The following TFPI variants were observed in gnomAD, a reference collection of about 807,000 sequenced individuals.
The protein encoded by TFPI is tissue factor pathway inhibitor.
Under a neutral mutation model 34.6 loss-of-function variants are expected in TFPI, and 15 were observed. The ratio of observed to expected loss-of-function variants is 0.43; its 90% CI spans 0.29 to 0.67. The LOEUF is 0.67. Ranked by LOEUF, TFPI falls within the 30% of genes least tolerant of loss-of-function variation. The pLI is 0.15. For missense variants in TFPI, 301 were observed against 364.0 expected (o/e 0.83, Z 1.41); for synonymous variants, 105 against 120.1 (o/e 0.87, Z 0.82).
intron 1 of TFPI, among the ~76,000 whole-genome samples, chr2:187,545,284 T>C (rs893245524): frequency 6.6e-6 from 1 of 152,112 alleles, no homozygotes; most frequent in Non-Finnish European, 1.5e-5. Context: ...GGAGAGGAAA[T>C]AGCAATACCA....
intron 1 of TFPI, chr2:187,514,063 T>C (rs1686831066): frequency 6.6e-6 from 1 of 152,214 alleles, no homozygotes; most frequent in Admixed American, 6.5e-5. Context: ...TTTTATGCCA[T>C]AGTTGGTCCA....
intron 5 of TFPI, chr2:187,484,572 T>C (rs1395288969): frequency 2.0e-6 from 1 of 495,336 alleles, no homozygotes; most frequent in Non-Finnish European, 3.5e-6. Context: ...TGTACTGCAG[T>C]ATTCTCAGGA....
At chr2:187,512,153 C>T (rs540124177) in intron 1 of TFPI, among the ~76,000 whole-genome samples, 9 of 152,020 alleles carry the variant, frequency 5.9e-5, no homozygotes, top group South Asian at 2.1e-4. Context: ...CAGTAACCTG[C>T]GGATGGCCCA....
chr2:187,540,109 C>T (rs1688495966), intron 1 of TFPI, among the ~76,000 whole-genome samples: 1 of 151,932 alleles, frequency 6.6e-6, no homozygotes, highest in African/African-American at 2.4e-5. Flanking sequence ...CACCATGTGG[C>T]CCAGGCTGGT....
chr2:187,551,476 C>G (rs910227037), intron 1 of TFPI, among the ~76,000 whole-genome samples: 19 of 152,056 alleles, frequency 1.2e-4, no homozygotes, highest in African/African-American at 4.6e-4. Flanking sequence ...CAACTGGTAG[C>G]TACTGGTAGT....
chr2:187,509,425 T>A (rs1331670285), intron 1 of TFPI, among the ~76,000 whole-genome samples: 1 of 152,194 alleles, frequency 6.6e-6, no homozygotes, highest in African/African-American at 2.4e-5. Flanking sequence ...ATCTGTCTGA[T>A]CCTGGGCTTT....
At chr2:187,468,046 T>G in intron 6 of TFPI, 114 bp from the exon 7 acceptor site, 1 of 809,686 alleles carries the variant, frequency 1.2e-6, no homozygotes. Context: ...AACAGTAATC[T>G]GAATAAAGGG....
In TFPI at chr2:187,484,160, G is replaced by A; in HGVS notation, c.592C>T (p.Leu198=). Residue 198 remains leucine, a synonymous_variant, in exon 6 of 8, where the codon CTG becomes TTG. Transcript: ENST00000233156. ...GTQLNAVNNS[L]TPQSTKVPSL... ...GGAACCTTGGTTGATTGCGGAGTCA[G>A]GGAGTTATTCACAGCATTGAGCTGG... is the stretch of plus-strand genomic sequence containing the variant. The A allele has an allele frequency of 6.2e-7, 1 of 1,612,422 alleles. No homozygotes were observed. The highest frequency in any genetic ancestry group is 8.5e-7 in the Non-Finnish European group (1 of 1,178,866).
chr2:187,522,816 G>A (rs780430314), intron 1 of TFPI, among the ~76,000 whole-genome samples: 21 of 150,862 alleles, frequency 1.4e-4, no homozygotes, highest in Admixed American at 4.0e-4. Flanking sequence ...GCGTGAACCC[G>A]GGAGGTAGAG....
intron 3 of TFPI, among the ~76,000 whole-genome samples, chr2:187,496,206 T>C (rs1016382887): frequency 1.3e-5 from 2 of 152,152 alleles, no homozygotes; most frequent in Non-Finnish European, 2.9e-5. Flanking sequence ...TTTTATTTCC[T>C]GTAGTATTTT....
intron 2 of TFPI, among the ~76,000 whole-genome samples, chr2:187,500,613 A>T (rs1685785252): frequency 6.6e-6 from 1 of 152,172 alleles, no homozygotes; most frequent in Non-Finnish European, 1.5e-5. Flanking sequence ...TCTAGGAGAA[A>T]CACTAAGTAT....
intron 1 of TFPI, chr2:187,518,394 T>G (rs1468904990): frequency 6.6e-6 from 1 of 152,206 alleles, no homozygotes; most frequent in African/African-American, 2.4e-5. Context: ...CTCTTTCCCT[T>G]ATGAAGCTTA....
At chr2:187,508,243 G>A (rs1003626421) in intron 1 of TFPI, among the ~76,000 whole-genome samples, 2 of 152,152 alleles carry the variant, frequency 1.3e-5, no homozygotes, top group East Asian at 1.9e-4. Context: ...GTCAGGTAGC[G>A]TGATGCCTCC....
Position 187,478,931 on chromosome 2 carries a change from T to A in TFPI, c.628+5193A>T, listed in dbSNP as rs541560048. On this transcript the variant is annotated intron_variant, in intron 6 of 7. Coordinates refer to ENST00000233156, the MANE Select transcript of TFPI (RefSeq NM_006287.6). ...CATTATGTTTTTCTTCAAAAAAATC[T>A]TGTAATCTAGACAGTGAGGCAGAGC... The A allele has an allele frequency of 2.7e-5, 19 of 692,686 alleles. No homozygotes were observed. The South Asian group carries it at 3.9e-4, about 14-fold the overall frequency. The allele number at this position is 692,686 out of a possible 1,614,324, so 42.9% of individuals were successfully genotyped here.
At chr2:187,506,592 T>G (rs1303308170) in intron 1 of TFPI, among the ~76,000 whole-genome samples, 1 of 152,148 alleles carries the variant, frequency 6.6e-6, no homozygotes, top group Non-Finnish European at 1.5e-5. Flanking sequence ...TAAGTTCCCT[T>G]GGCTGTGACA....
intron 1 of TFPI, among the ~76,000 whole-genome samples, chr2:187,536,517 T>G (rs1003972339): frequency 2.0e-5 from 3 of 152,184 alleles, no homozygotes; most frequent in Admixed American, 2.0e-4. Flanking sequence ...AGAAGAGGCC[T>G]TTGATAAAAT....
chr2:187,501,511 G>A (rs1299255383), intron 2 of TFPI, among the ~76,000 whole-genome samples: 1 of 152,018 alleles, frequency 6.6e-6, no homozygotes, highest in Non-Finnish European at 1.5e-5. Context: ...TTCTGGCAGG[G>A]AAGAACAAAC....
intron 2 of TFPI, among the ~76,000 whole-genome samples, chr2:187,501,169 C>T (rs2106108389): frequency 6.6e-6 from 1 of 152,070 alleles, no homozygotes; most frequent in South Asian, 2.1e-4. Context: ...ACATAGAGGG[C>T]AATCTAAAAG....
chr2:187,476,429 T>A lies in TFPI; in HGVS notation c.628+7695A>T, dbSNP rs1045182826. Among the ~76,000 whole-genome samples the A allele has an allele frequency of 7.2e-5, 11 of 151,954 alleles. 1 individual carries two copies. The highest frequency in any genetic ancestry group is 2.7e-4 in the African/African-American group (11 of 41,334). ...ATTACAGCTCACTGCAGCCTCAACC[T>A]CCCTGGCTCAAGCAATCCTCCCACC... is the stretch of plus-strand genomic sequence containing the variant. On this transcript the variant is annotated intron_variant, in intron 6 of 7. Transcript: ENST00000233156.
Sources: allele counts gnomAD v4.1 joint callset (sites outside exome capture counted in the v4.1 genomes callset), GRCh38; gene constraint gnomAD v4.1.1; transcripts MANE v1.5; gene names NCBI Gene and HGNC (gene_info 2026-07-23, HGNC 2026-07-21).